The following EFCAB7 variants were observed in gnomAD, a reference collection of about 807,000 sequenced individuals.
The protein encoded by EFCAB7 is EF-hand calcium binding domain 7.
Under a neutral mutation model 77.1 loss-of-function variants are expected in EFCAB7, and 66 were observed. That is an observed-to-expected ratio of 0.86 (90% CI 0.70 to 1.05). The LOEUF is 1.05. Ranked by LOEUF, EFCAB7 falls within the 50% of genes least tolerant of loss-of-function variation. The probability of loss-of-function intolerance (pLI) is 0.00; values close to 1 mark genes in which losing one functional copy is unlikely to be tolerated. For synonymous variants in EFCAB7, 225 were observed against 243.3 expected (o/e 0.92, Z 0.70); for missense variants, 638 against 730.5 (o/e 0.87, Z 1.46).
At chr1:63,582,669 G>A in the EFCAB7 span, among the ~76,000 whole-genome samples, 1 of 152,296 alleles carries the variant, frequency 6.6e-6, no homozygotes, top group South Asian at 2.1e-4. Context: ...ATGCAGTGGT[G>A]CCATCTCAGC....
At chr1:63,535,995 T>C (rs1332498609) in intron 6 of EFCAB7, among the ~76,000 whole-genome samples, 1 of 152,092 alleles carries the variant, frequency 6.6e-6, no homozygotes, top group Non-Finnish European at 1.5e-5. Flanking sequence ...GCAGGTGTAA[T>C]AGAAAAATGC....
intron 9 of EFCAB7, among the ~76,000 whole-genome samples, chr1:63,556,169 A>G (rs1647028064): frequency 6.6e-6 from 1 of 152,152 alleles, no homozygotes; most frequent in African/African-American, 2.4e-5. Context: ...GATAAGAGGA[A>G]TAAGTTCAGG....
intron 6 of EFCAB7, among the ~76,000 whole-genome samples, chr1:63,535,510 C>A (rs1646752460): frequency 6.6e-6 from 1 of 151,906 alleles, no homozygotes; most frequent in African/African-American, 2.4e-5. Context: ...GATTAGTGAT[C>A]TAGAGTTTTG....
chr1:63,573,074 G>A, downstream of EFCAB7, among the ~76,000 whole-genome samples: 1 of 152,012 alleles, frequency 6.6e-6, no homozygotes, highest in East Asian at 1.9e-4. Flanking sequence ...GGATATGATG[G>A]CTTAGCTTGG....
In EFCAB7 at chr1:63,525,624, C is replaced by A; in HGVS notation, c.52C>A (p.Pro18Thr). 1 of 1,595,638 alleles carries A rather than the reference C, an allele frequency of 6.3e-7. No individual in the cohort carries two copies. The highest frequency in any genetic ancestry group is 8.5e-7 in the Non-Finnish European group (1 of 1,175,996). The change falls in exon 2 of 14, where the codon CCT becomes ACT. Residue 18 changes from proline (P) to threonine (T), a missense_variant. By Grantham distance (38) the Pro-to-Thr change is conservative. Transcript: ENST00000371088. ...AACTTTCTCCAGTCAGAAATCAACA[C>A]CTTCAGAGAGTCCTCGAACAAAGAA... ...DATFSSQKSTPSESPRTKKFP... is the reference protein window; with the variant it reads ...DATFSSQKSTTSESPRTKKFP...
chr1:63,546,018 T>C lies in EFCAB7; in HGVS notation c.907T>C (p.Tyr303His). 1 of 1,613,658 alleles carries C rather than the reference T, an allele frequency of 6.2e-7. No individual in the cohort carries two copies. Among genetic ancestry groups the C allele is most frequent in the Non-Finnish European group, 8.5e-7 (1 of 1,179,842 alleles). The change falls in exon 7 of 14, where the codon TAT (tyrosine) becomes CAT (histidine). Residue 303 changes from tyrosine (Y) to histidine (H), a missense_variant. Transcript: ENST00000371088. ...GCAAATAGCTCAGAGGTCCATGGTT[T>C]ATCTAACAATTAAGCCATTAAACCT... ...RMQIAQRSMVYLTIKPLNLSQ... is the reference protein window; with the variant it reads ...RMQIAQRSMVHLTIKPLNLSQ...
At chr1:63,571,670 C>CAAAAAAAAAAAAAAAAAAAAAAAAAAAA (rs10605515) in intron 13 of EFCAB7, among the ~76,000 whole-genome samples, 1 of 65,314 alleles carries the variant, frequency 1.5e-5, no homozygotes, top group African/African-American at 6.5e-5. Context: ...GACTCTGTCT[C>CAAAAAAAAAAAAAAAAAAAAAAAAAAAA]AAAAAAAAAA....
rs372076713 is a variant in EFCAB7, at chr1:63,531,915, A to C, written c.283A>C (p.Ile95Leu). The change falls in exon 3 of 14, where the codon ATT becomes CTT. Residue 95 changes from isoleucine (I) to leucine (L), a missense_variant. Physicochemically the swap from Ile to Leu is conservative, Grantham distance 5. Transcript: ENST00000371088. ...AKLNFDDFCI[I>L]LRKEKPTSKA... ...ACTGAATTTTGATGATTTTTGTATA[A>C]TTTTAAGGAAGGAAAAACCTACTTC... is the stretch of plus-strand genomic sequence containing the variant. The C allele has an allele frequency of 1.2e-5, 19 of 1,613,160 alleles. No individual in the cohort carries two copies. Among genetic ancestry groups the C allele is most frequent in the Non-Finnish European group, 1.6e-5 (19 of 1,179,504 alleles).
intron 2 of EFCAB7, among the ~76,000 whole-genome samples, chr1:63,528,919 ATCT>A (rs1487126307): frequency 1.3e-5 from 2 of 152,164 alleles, no homozygotes; most frequent in Non-Finnish European, 2.9e-5. Context: ...TATGATAAAC[ATCT>A]TTGCACACTA....
intron 6 of EFCAB7, among the ~76,000 whole-genome samples, chr1:63,535,724 A>C (rs1171925713): frequency 7.6e-6 from 1 of 132,128 alleles, no homozygotes; most frequent in Non-Finnish European, 1.7e-5. Context: ...ATTAATAAAG[A>C]ATAGTGTTAA....
intron 6 of EFCAB7, among the ~76,000 whole-genome samples, chr1:63,544,704 C>T (rs905313457): frequency 6.6e-6 from 1 of 152,170 alleles, no homozygotes; most frequent in African/African-American, 2.4e-5. Context: ...AGCCACCGCT[C>T]CCGGCCAGCT....
chr1:63,582,740 G>A, the EFCAB7 span, among the ~76,000 whole-genome samples: 1 of 152,136 alleles, frequency 6.6e-6, no homozygotes, highest in Non-Finnish European at 1.5e-5. Context: ...GAGTAGCTGG[G>A]ACTACGGGTG....
At chr1:63,531,200 G>A (rs1246671507) in intron 2 of EFCAB7, among the ~76,000 whole-genome samples, 2 of 151,988 alleles carry the variant, frequency 1.3e-5, no homozygotes, top group Middle Eastern at 3.4e-3. Context: ...CCCCTTCCCA[G>A]TCTCTGGTAA....
intron 13 of EFCAB7, among the ~76,000 whole-genome samples, chr1:63,571,693 AAAGAT>A (rs1287854442): frequency 7.9e-5 from 12 of 151,022 alleles, no homozygotes; most frequent in African/African-American, 2.9e-4. Context: ...AAAAAAAAAA[AAAGAT>A]AATATCACTA....
At chr1:63,569,451 AGTT>A (rs1217538775) in intron 12 of EFCAB7, 2 of 152,156 alleles carry the variant, frequency 1.3e-5, no homozygotes, top group Admixed American at 6.6e-5. Context: ...TTTCTCTTGT[AGTT>A]GTTGTTAATT....
At chr1:63,533,196 AAAT>A (rs1305948642) in intron 4 of EFCAB7, among the ~76,000 whole-genome samples, 17 of 152,306 alleles carry the variant, frequency 1.1e-4, no homozygotes, top group Admixed American at 1.1e-3. Flanking sequence ...TCTTGTAAAA[AAAT>A]AATAATAAAT....
Position 63,571,145 on chromosome 1 carries a change from T to C in EFCAB7, c.1815+17T>C, listed in dbSNP as rs757497978. 6.4e-7 allele frequency: 1 copy of C among 1,558,006 alleles called. No homozygotes were observed. Among genetic ancestry groups the C allele is most frequent in the East Asian group, 2.3e-5 (1 of 44,416 alleles). Reference sequence around the variant, plus strand: ...TCTACAATGGTAATGTATTATTTTCTAATTAAAGCCTTTTGTTTTATGTCT... The same window carrying C: ...TCTACAATGGTAATGTATTATTTTCCAATTAAAGCCTTTTGTTTTATGTCT... On this transcript the variant is annotated intron_variant, in intron 13 of 13. Coordinates refer to ENST00000371088, the MANE Select transcript of EFCAB7 (RefSeq NM_032437.4).
intron 6 of EFCAB7, among the ~76,000 whole-genome samples, chr1:63,541,293 C>T (rs1353566034): frequency 2.2e-4 from 34 of 152,024 alleles, no homozygotes; most frequent in Non-Finnish European, 2.9e-5. Context: ...TAAAACAATA[C>T]TAACCAAATA....
chr1:63,578,472 C>A, the EFCAB7 span, among the ~76,000 whole-genome samples: 1 of 145,198 alleles, frequency 6.9e-6, no homozygotes, highest in African/African-American at 2.6e-5. Context: ...GAGACAGTCT[C>A]GCTCTGTCAT....
Sources: gnomAD v4.1 joint callset for allele counts (sites outside exome capture counted in the v4.1 genomes callset) on GRCh38, gnomAD v4.1.1 for gene constraint, MANE v1.5 for transcripts, NCBI Gene and HGNC (gene_info 2026-07-23, HGNC 2026-07-21) for gene names.